Variants in COL22A1 observed in about 807,000 individuals in gnomAD.
The protein encoded by COL22A1 is collagen type XXII alpha 1 chain.
A neutral mutation model predicts 248.9 loss-of-function variants in COL22A1; 221 were observed. The ratio of observed to expected loss-of-function variants is 0.89; its 90% CI spans 0.80 to 0.99. COL22A1 has a LOEUF of 0.99. Ranked by LOEUF, COL22A1 falls within the 50% of genes least tolerant of loss-of-function variation. The probability of loss-of-function intolerance (pLI) is 0.00; values close to 1 mark genes in which losing one functional copy is unlikely to be tolerated. For missense variants in COL22A1, 2,240 were observed against 2,179.0 expected (o/e 1.03, Z -0.56); for synonymous variants, 891 against 793.4 (o/e 1.12, Z -2.07).
intron 41 of COL22A1, among the ~76,000 whole-genome samples, chr8:138,673,486 G>A (rs767373228): frequency 2.6e-5 from 4 of 152,150 alleles, no homozygotes; most frequent in Non-Finnish European, 5.9e-5. Context: ...TGGGATTACA[G>A]GCATGAGCCA....
chr8:138,885,012 GCACGCACACACACACACA>G (rs1373639211), intron 1 of COL22A1, among the ~76,000 whole-genome samples: 2 of 107,088 alleles, frequency 1.9e-5, no homozygotes, highest in African/African-American at 5.7e-5. Flanking sequence ...ATATGTGTGT[GCACGCACACACACACACA>G]CACGCACACA....
In COL22A1 at chr8:138,598,879, C is replaced by T. The variant is rs1408877379; in HGVS notation, c.4205G>A (p.Gly1402Asp). The change falls in exon 61 of 65, where the codon GGT becomes GAT. Residue 1402 changes from glycine (G) to aspartate (D), a missense_variant. By Grantham distance (94) the Gly-to-Asp change is moderately conservative. Coordinates refer to ENST00000303045, the MANE Select transcript of COL22A1 (RefSeq NM_152888.3). The stretch of plus-strand genomic sequence containing the variant: ...TTTTCCACCAGGAGGTCCTTTGTCA[C>T]CTTTGATCCCAGGATCTCCCTAAGG... ...KGERGDPGIK[G>D]DKGPPGGKGQ... The T allele has an allele frequency of 1.2e-6, 2 of 1,614,146 alleles. No homozygotes were observed. The highest frequency in any genetic ancestry group is 2.2e-5 in the South Asian group (2 of 91,080).
At chr8:138,736,000 A>G (rs1831080229) in intron 23 of COL22A1, among the ~76,000 whole-genome samples, 1 of 152,036 alleles carries the variant, frequency 6.6e-6, no homozygotes, top group South Asian at 2.1e-4. Flanking sequence ...GGAGGACCAA[A>G]CGGAAGAGCC....
intron 48 of COL22A1, among the ~76,000 whole-genome samples, chr8:138,636,539 G>GGCAA (rs1821190661): frequency 3.2e-5 from 1 of 31,110 alleles, no homozygotes; most frequent in Non-Finnish European, 8.1e-5. Flanking sequence ...AGGAAAGGCA[G>GGCAA]GGAGGCTTCT....
chr8:138,670,738 T>C (rs555024326), intron 41 of COL22A1, among the ~76,000 whole-genome samples: 34 of 152,048 alleles, frequency 2.2e-4, no homozygotes, highest in African/African-American at 8.2e-4. Context: ...GGCAAGTGGA[T>C]GGCTTGGGCT....
intron 5 of COL22A1, among the ~76,000 whole-genome samples, chr8:138,830,844 T>C (rs1333885442): frequency 6.6e-6 from 1 of 152,182 alleles, no homozygotes; most frequent in Non-Finnish European, 1.5e-5. Context: ...GGCAAAGAAG[T>C]GAGGGGGAGT....
intron 41 of COL22A1, among the ~76,000 whole-genome samples, chr8:138,665,238 G>C (rs1440941195): frequency 6.6e-6 from 1 of 152,232 alleles, no homozygotes; most frequent in Non-Finnish European, 1.5e-5. Flanking sequence ...CCCTGGAGGG[G>C]AGCAGGACTC....
In COL22A1 at chr8:138,692,273, T is replaced by TGGAG. The variant is rs1564201764; in HGVS notation, c.2754+1372_2754+1373insCTCC. 3.7e-4 allele frequency among the ~76,000 whole-genome samples: 53 copies of TGGAG among 141,838 alleles called. 4 individuals are homozygous for TGGAG. The highest frequency in any genetic ancestry group is 7.0e-4 in the South Asian group (3 of 4,288). The allele number at this position is 141,838 out of a possible 152,430, so 93.1% of individuals were successfully genotyped here. A position where few individuals can be genotyped will look rare whatever the true frequency, so the allele number is the denominator to read the frequency against. ...GTATGTGTGCGTGTGTGCATGTTTG[T>TGGAG]GTGCACATGCATGTGTGCATGTTTG... On this transcript the variant is annotated intron_variant, in intron 35 of 64. Coordinates refer to ENST00000303045, the MANE Select transcript of COL22A1 (RefSeq NM_152888.3).
At chr8:138,850,405 A>C (rs1052228545) in intron 3 of COL22A1, among the ~76,000 whole-genome samples, 1 of 152,198 alleles carries the variant, frequency 6.6e-6, no homozygotes, top group Non-Finnish European at 1.5e-5. Context: ...ATCCCCCTGG[A>C]CCTGCTGACA....
chr8:138,687,734 A>G (rs538726289), intron 37 of COL22A1, among the ~76,000 whole-genome samples: 1 of 152,324 alleles, frequency 6.6e-6, no homozygotes, highest in Non-Finnish European at 1.5e-5. Context: ...CATTTTACAG[A>G]TGAGAAAATC....
At chr8:138,775,690 C>T (rs543583017) in intron 16 of COL22A1, among the ~76,000 whole-genome samples, 107 of 152,288 alleles carry the variant, frequency 7.0e-4, no homozygotes, top group Admixed American at 2.6e-3. Context: ...CCCTAAACTC[C>T]GCCTTGGTGC....
intron 47 of COL22A1, among the ~76,000 whole-genome samples, chr8:138,639,683 C>A (rs529986487): frequency 1.3e-5 from 2 of 152,088 alleles, no homozygotes; most frequent in Admixed American, 6.6e-5. Context: ...TATGCAAATA[C>A]TTTTAAAAGC....
At chr8:138,707,389 T>C (rs1303168536) in intron 30 of COL22A1, among the ~76,000 whole-genome samples, 3 of 152,136 alleles carry the variant, frequency 2.0e-5, no homozygotes, top group Admixed American at 2.0e-4. Flanking sequence ...AAATCCTCAA[T>C]AAAATATGGC....
intron 53 of COL22A1, among the ~76,000 whole-genome samples, chr8:138,617,464 T>C (rs1819432545): frequency 6.6e-6 from 1 of 152,148 alleles, no homozygotes; most frequent in Admixed American, 6.5e-5. Context: ...GCCATAGTGC[T>C]GGGGTCTCCT....
intron 16 of COL22A1, among the ~76,000 whole-genome samples, chr8:138,763,607 C>T (rs1444575565): frequency 6.6e-6 from 1 of 152,204 alleles, no homozygotes; most frequent in East Asian, 1.9e-4. Flanking sequence ...CTCCGTGGGG[C>T]AGACACTCCA....
chr8:138,591,379 AG>A, intron 64 of COL22A1, 44 bp downstream of exon 64: 1 of 1,428,554 alleles, frequency 7.0e-7, no homozygotes, highest in Non-Finnish European at 9.5e-7. Context: ...CTGGGTCTCC[AG>A]GGTAGCTCAC....
At chr8:138,727,580 A>G (rs904065251) in intron 23 of COL22A1, among the ~76,000 whole-genome samples, 2 of 152,208 alleles carry the variant, frequency 1.3e-5, no homozygotes, top group South Asian at 4.1e-4. Flanking sequence ...ATACCAAAAA[A>G]TGGCAGAGGT....
intron 3 of COL22A1, among the ~76,000 whole-genome samples, chr8:138,874,888 C>T (rs1823593772): frequency 6.6e-6 from 1 of 152,184 alleles, no homozygotes; most frequent in South Asian, 2.1e-4. Context: ...TCCTACAGGG[C>T]CACCCAATCT....
At chr8:138,862,190 C>T (rs192066694) in intron 3 of COL22A1, among the ~76,000 whole-genome samples, 3 of 152,208 alleles carry the variant, frequency 2.0e-5, no homozygotes, top group African/African-American at 7.2e-5. Context: ...CACACTCCAG[C>T]CTGGGAGACA....
Sources: allele counts gnomAD v4.1 joint callset (sites outside exome capture counted in the v4.1 genomes callset), GRCh38; gene constraint gnomAD v4.1.1; transcripts MANE v1.5; gene names NCBI Gene and HGNC (gene_info 2026-07-23, HGNC 2026-07-21).